CTTNBP2: variants seen among roughly 807,000 people sequenced by gnomAD.
The protein encoded by CTTNBP2 is cortactin-binding protein 2.
In CTTNBP2, 108 loss-of-function variants were observed where a neutral mutation model predicts 156.9. That is an observed-to-expected ratio of 0.69 (90% CI 0.59 to 0.81). The LOEUF is 0.81. CTTNBP2 is among the 30% of genes least tolerant of loss of function. The pLI is 0.00. For synonymous variants in CTTNBP2, 767 were observed against 751.8 expected (o/e 1.02, Z -0.33); for missense variants, 1,924 against 2,035.4 (o/e 0.95, Z 1.05).
chr7:117,822,594 T>C (rs1801031753), intron 2 of CTTNBP2, among the ~76,000 whole-genome samples: 1 of 152,228 alleles, frequency 6.6e-6, no homozygotes, highest in Non-Finnish European at 1.5e-5. Flanking sequence ...TTCAAATTAC[T>C]GTCTAAATCC....
At chr7:117,736,551 GAGGAGTAAAATCC>G (rs1363791639) in intron 14 of CTTNBP2, among the ~76,000 whole-genome samples, 1 of 152,166 alleles carries the variant, frequency 6.6e-6, no homozygotes, top group Non-Finnish European at 1.5e-5. Flanking sequence ...AATGGTAAGG[GAGGAGTAAAATCC>G]AGCACTTCCG....
At chr7:117,873,159 C>T (rs995326890) in intron 1 of CTTNBP2, among the ~76,000 whole-genome samples, 176 bp downstream of exon 1, 1 of 152,150 alleles carries the variant, frequency 6.6e-6, no homozygotes, top group Admixed American at 6.5e-5. Context: ...CCGCTCCCCC[C>T]CGCGGCCTCC....
chr7:117,872,091 A>G (rs753161224), intron 1 of CTTNBP2: 5 of 499,898 alleles, frequency 1.0e-5, no homozygotes, highest in Non-Finnish European at 1.3e-5. Context: ...CAAAAGTTCA[A>G]ATCAAAACTT....
At chr7:117,862,538 G>A (rs186825866) in intron 1 of CTTNBP2, among the ~76,000 whole-genome samples, 1 of 152,280 alleles carries the variant, frequency 6.6e-6, no homozygotes, top group Admixed American at 6.5e-5. Context: ...AGATAAAGCT[G>A]AGAGCAAGTT....
intron 8 of CTTNBP2, among the ~76,000 whole-genome samples, chr7:117,774,376 G>A (rs1002357215): frequency 6.6e-6 from 1 of 151,982 alleles, no homozygotes; most frequent in Non-Finnish European, 1.5e-5. Context: ...CTATGTCAGG[G>A]GTCCCTGAAC....
At chr7:117,811,405 A>C (rs1800272345) in intron 2 of CTTNBP2, among the ~76,000 whole-genome samples, 1 of 151,628 alleles carries the variant, frequency 6.6e-6, no homozygotes, top group Non-Finnish European at 1.5e-5. Context: ...GGCTCAAACA[A>C]TCCTCCTGCC....
At position 117,745,927 on chromosome 7, in the gene CTTNBP2, T is replaced by C. The variant is rs1217426192; in HGVS notation, c.3439A>G (p.Arg1147Gly). 1 of 1,613,958 alleles carries C rather than the reference T, an allele frequency of 6.2e-7. No individual in the cohort carries two copies. The highest frequency in any genetic ancestry group is 1.3e-5 in the African/African-American group (1 of 74,950). Residue 1147 changes from arginine to glycine, a missense_variant, in exon 14 of 23, where the codon AGA becomes GGA. Arg to Gly is a moderately radical substitution (Grantham distance 125). Transcript: ENST00000160373. ...CAGGAGAATCCTGCAGCCATTTGTC[T>C]GTGCTGTGATAAGAAAATAGGGTGA... ...VHQLALCLKHRQMAAGFSCEI... is the reference protein window; with the variant it reads ...VHQLALCLKHGQMAAGFSCEI...
At chr7:117,752,168 C>T (rs1186487756) in intron 12 of CTTNBP2, among the ~76,000 whole-genome samples, 1 of 152,132 alleles carries the variant, frequency 6.6e-6, no homozygotes, top group African/African-American at 2.4e-5. Context: ...TAACTAGGCT[C>T]TCCTAGTGAT....
chr7:117,833,757 T>C (rs1212993616), intron 2 of CTTNBP2, among the ~76,000 whole-genome samples: 1 of 152,222 alleles, frequency 6.6e-6, no homozygotes, highest in Non-Finnish European at 1.5e-5. Flanking sequence ...ATACTCATGT[T>C]TATTGTGAGC....
intron 2 of CTTNBP2, among the ~76,000 whole-genome samples, chr7:117,811,482 T>A (rs554860451): frequency 3.1e-4 from 47 of 152,224 alleles, no homozygotes; most frequent in Middle Eastern, 3.4e-3. Context: ...TTTGATTTTT[T>A]AATTAAGATG....
chr7:117,789,806 AAAG>A (rs1563008216), intron 4 of CTTNBP2, among the ~76,000 whole-genome samples: 1 of 152,136 alleles, frequency 6.6e-6, no homozygotes, highest in East Asian at 1.9e-4. Flanking sequence ...ATGAGTAGCA[AAAG>A]AAGTCACCAA....
intron 2 of CTTNBP2, among the ~76,000 whole-genome samples, chr7:117,834,283 G>T (rs2117094822): frequency 6.6e-6 from 1 of 152,242 alleles, no homozygotes; most frequent in South Asian, 2.1e-4. Context: ...TCAAACTCCT[G>T]ACCTCAGGTG....
chr7:117,776,700 C>G (rs1360610619), intron 8 of CTTNBP2, among the ~76,000 whole-genome samples: 1 of 152,198 alleles, frequency 6.6e-6, no homozygotes, highest in Non-Finnish European at 1.5e-5. Flanking sequence ...TGGAGCTCTG[C>G]CCTTTGAAAT....
At chr7:117,762,423 G>C (rs1797261170) in intron 9 of CTTNBP2, among the ~76,000 whole-genome samples, 1 of 152,144 alleles carries the variant, frequency 6.6e-6, no homozygotes, top group Admixed American at 6.5e-5. Flanking sequence ...TGAACACCTT[G>C]AATTATCAGA....
Position 117,777,621 on chromosome 7 carries a change from C to A in CTTNBP2, c.2668G>T (p.Glu890Ter). 1 of 1,613,966 alleles carries A rather than the reference C, an allele frequency of 6.2e-7. No homozygotes were observed. Among genetic ancestry groups the A allele is most frequent in the East Asian group, 2.2e-5 (1 of 44,872 alleles). The change falls in exon 8 of 23, where the codon GAA becomes TAA. Residue 890 changes from glutamate (E) to a stop codon, truncating the protein, a stop_gained. Transcript: ENST00000160373. LOFTEE classifies it high-confidence loss of function. Reference protein sequence around the residue: ...ESSVFDLDGGEESPEGISKPV... With the variant: ...ESSVFDLDGG ...TTGGATATGCCTTCAGGACTCTCTTCTCCTCCATCCAAGTCAAAGACACTT... is the reference window on the plus strand; with the variant it reads ...TTGGATATGCCTTCAGGACTCTCTTATCCTCCATCCAAGTCAAAGACACTT...
intron 2 of CTTNBP2, among the ~76,000 whole-genome samples, chr7:117,828,481 A>T (rs1489258349): frequency 2.0e-5 from 3 of 152,220 alleles, no homozygotes; most frequent in Non-Finnish European, 4.4e-5. Flanking sequence ...CAGCAGGACA[A>T]GTATCATTTG....
At chr7:117,848,112 T>C (rs1273175437) in intron 2 of CTTNBP2, among the ~76,000 whole-genome samples, 4 of 152,138 alleles carry the variant, frequency 2.6e-5, no homozygotes, top group Non-Finnish European at 4.4e-5. Context: ...CCACCACGCC[T>C]GGCCTGCCTA....
intron 2 of CTTNBP2, among the ~76,000 whole-genome samples, chr7:117,838,416 TG>T (rs1802076199): frequency 6.6e-6 from 1 of 152,192 alleles, no homozygotes. Flanking sequence ...GAGTCTAATG[TG>T]GTTATGTGAC....
rs373026210 is a variant in CTTNBP2 at position 117,746,441 on chromosome 7, G to A, written c.3349-342C>T. Among the ~76,000 whole-genome samples, 3 of 152,246 alleles carry A rather than the reference G, an allele frequency of 2.0e-5. No homozygotes were observed. In the East Asian group the frequency reaches 5.8e-4, roughly 29 times the overall value. ...TTTTTCTATATTATCCTTTGCAGAT[G>A]CTCTTTATGTGGAATTTTGTCAATG... On this transcript the variant is annotated intron_variant, in intron 12 of 22. Coordinates refer to ENST00000160373, the MANE Select transcript of CTTNBP2 (RefSeq NM_033427.3).
Sources: gnomAD v4.1 joint callset for allele counts (sites outside exome capture counted in the v4.1 genomes callset) on GRCh38, gnomAD v4.1.1 for gene constraint, MANE v1.5 for transcripts, NCBI Gene and HGNC (gene_info 2026-07-23, HGNC 2026-07-21) for gene names.